Variants in CLCN5 observed in about 807,000 individuals in gnomAD.
CLCN5 encodes the protein H(+)/Cl(-) exchange transporter 5.
CLCN5 carries 17 observed loss-of-function variants against 54.0 expected under a neutral mutation model. The observed-to-expected ratio is 0.31, with a 90% confidence interval of 0.22 to 0.47. The LOEUF (loss-of-function observed/expected upper bound fraction) is 0.47, where lower values mean the gene tolerates loss of function less well. Ranked by LOEUF, CLCN5 falls within the 20% of genes least tolerant of loss-of-function variation. The pLI is 1.00. For missense variants in CLCN5, 448 were observed against 646.7 expected (o/e 0.69, Z 3.33); for synonymous variants, 222 against 233.0 (o/e 0.95, Z 0.43).
At chrX:50,070,901 G>A (rs1291284934) in intron 5 of CLCN5, among the ~76,000 whole-genome samples, 3 of 111,284 alleles carry the variant, frequency 2.7e-5, no homozygotes, top group Non-Finnish European at 3.8e-5. Context: ...TAAGGGCCAC[G>A]TGGAGAGCTT....
chrX:50,083,937 T>G (rs886823168), intron 9 of CLCN5, among the ~76,000 whole-genome samples: 1 of 112,213 alleles, frequency 8.9e-6, no homozygotes, highest in African/African-American at 3.2e-5. Context: ...TTTGTTCAAA[T>G]AGTTTCTAAT....
chrX:50,051,998 C>T (rs1256320587), intron 4 of CLCN5, among the ~76,000 whole-genome samples: 7 of 111,488 alleles, frequency 6.3e-5, no homozygotes, highest in African/African-American at 2.3e-4. Flanking sequence ...AGTTTTATTT[C>T]TCTCTTTCCA....
At chrX:50,070,519 G>A (rs781784681) in intron 5 of CLCN5, among the ~76,000 whole-genome samples, 4 of 111,462 alleles carry the variant, frequency 3.6e-5, no homozygotes, top group Admixed American at 9.6e-5. Context: ...ACTAAGAAAA[G>A]TAAATGGTTT....
At chrX:50,089,939 T>C (rs1462017543) in intron 12 of CLCN5, among the ~76,000 whole-genome samples, 177 bp from the exon 13 acceptor site, 1 of 111,844 alleles carries the variant, frequency 8.9e-6, no homozygotes, top group Non-Finnish European at 1.9e-5. Context: ...GTAGATGTTA[T>C]TTTGAGAACT....
chrX:49,948,894 G>A (rs1265252320), intron 3 of CLCN5, among the ~76,000 whole-genome samples: 1 of 112,409 alleles, frequency 8.9e-6, no homozygotes, highest in Non-Finnish European at 1.9e-5. Flanking sequence ...TGAAAACATT[G>A]TTTTGGCTCT....
chrX:49,947,034 C>T (rs1467556731), intron 3 of CLCN5, among the ~76,000 whole-genome samples: 2 of 109,782 alleles, frequency 1.8e-5, no homozygotes, highest in African/African-American at 6.6e-5. Context: ...GTTGGTCAGG[C>T]TGGTCTTGAA....
At chrX:49,945,450 A>AT (rs1355754169) in intron 3 of CLCN5, 87 of 100,483 alleles carry the variant, frequency 8.7e-4, no homozygotes, top group African/African-American at 1.3e-3. Context: ...CGCCCTTTCG[A>AT]TTTTTTTTTT....
chrX:50,090,594 G>T (rs954855782), intron 13 of CLCN5, 76 bp from the exon 14 acceptor site: 4 of 1,157,806 alleles, frequency 3.5e-6, no homozygotes, highest in Non-Finnish European at 4.7e-6. Flanking sequence ...GACAGGGAAG[G>T]GGGGACTGGT....
At chrX:50,079,200 A>G (rs1557192674) in intron 7 of CLCN5, among the ~76,000 whole-genome samples, 1 of 111,332 alleles carries the variant, frequency 9.0e-6, no homozygotes, top group Non-Finnish European at 1.9e-5. Context: ...CTACCTCTGC[A>G]GTCTTCTTCC....
At chrX:49,962,100 G>A (rs932847689) in intron 3 of CLCN5, among the ~76,000 whole-genome samples, 1 of 112,043 alleles carries the variant, frequency 8.9e-6, no homozygotes, top group Non-Finnish European at 1.9e-5. Flanking sequence ...TAGAGATACA[G>A]TACAGGTCCC....
At chrX:49,992,208 C>CTTTTTTTTTT (rs200172433) in intron 3 of CLCN5, among the ~76,000 whole-genome samples, 1 of 84,214 alleles carries the variant, frequency 1.2e-5, no homozygotes. Flanking sequence ...CTCTTTTTTT[C>CTTTTTTTTTT]TTTTTTTTTT....
Position 50,086,695 on chromosome X carries a change from A to C in CLCN5, c.1382A>C (p.Asp461Ala), listed in dbSNP as rs1569540368. Residue 461 changes from aspartate to alanine, a missense_variant, in exon 11 of 15, where the codon GAC (aspartate) becomes GCC (alanine). Asp to Ala is a moderately radical substitution (Grantham distance 126). This residue lies in a region of CLCN5 where 297 missense variants were observed against 470.4 expected (regional missense o/e 0.63). Coordinates refer to ENST00000376091, the MANE Select transcript of CLCN5 (RefSeq NM_001127898.4). ...GAGCTCATTTCTGAGCTGTTTAATG[A>C]CTGTGGCCTTCTGGACTCCTCCAAG... ...TSELISELFN[D>A]CGLLDSSKLC... is the part of the protein sequence containing the mutation. 1.7e-6 allele frequency: 2 copies of C among 1,211,122 alleles called. No homozygotes were observed. The highest frequency in any genetic ancestry group is 2.2e-6 in the Non-Finnish European group (2 of 895,438).
Position 50,086,454 on chromosome X carries a change from C to T in CLCN5, c.1141C>T (p.His381Tyr), listed in dbSNP as rs149944303. Residue 381 changes from histidine (H) to tyrosine (Y), a missense_variant, in exon 11 of 15, where the codon CAC becomes TAC. Physicochemically the swap from His to Tyr is moderately conservative, Grantham distance 83. Coordinates refer to ENST00000376091, the MANE Select transcript of CLCN5 (RefSeq NM_001127898.4). ...CCTGGTACTATTTTATGTGGAGTTT[C>T]ACACCCCATGGCATCTCTTTGAGCT... is the stretch of plus-strand genomic sequence containing the variant. ...SRLVLFYVEFHTPWHLFELVP... is the reference protein window; with the variant it reads ...SRLVLFYVEFYTPWHLFELVP... 8.3e-7 allele frequency: 1 copy of T among 1,211,249 alleles called. No individual in the cohort carries two copies. Among genetic ancestry groups the T allele is most frequent in the African/African-American group, 1.7e-5 (1 of 57,676 alleles).
chrX:49,996,022 T>C (rs1391200045), intron 3 of CLCN5, among the ~76,000 whole-genome samples: 3 of 112,178 alleles, frequency 2.7e-5, no homozygotes, highest in African/African-American at 9.7e-5. Context: ...TCCAGATACC[T>C]AAGTCTTGGC....
chrX:49,984,468 C>G (rs976927933), intron 3 of CLCN5, among the ~76,000 whole-genome samples: 1 of 111,811 alleles, frequency 8.9e-6, no homozygotes, highest in Admixed American at 9.5e-5. Flanking sequence ...ACCATTTGTA[C>G]TGTAAGATTA....
intron 3 of CLCN5, among the ~76,000 whole-genome samples, chrX:49,988,470 C>T (rs1929083140): frequency 9.0e-6 from 1 of 111,292 alleles, no homozygotes; most frequent in African/African-American, 3.3e-5. Context: ...CTTCTGTGTG[C>T]TTGGATTTCA....
chrX:50,015,975 A>G (rs1183026454), intron 3 of CLCN5, among the ~76,000 whole-genome samples: 2 of 111,380 alleles, frequency 1.8e-5, no homozygotes, highest in Non-Finnish European at 3.8e-5. Context: ...AGGTTATTTA[A>G]TATGTGCTCC....
At chrX:50,037,819 G>A (rs1273949288) in intron 3 of CLCN5, among the ~76,000 whole-genome samples, 1 of 112,065 alleles carries the variant, frequency 8.9e-6, no homozygotes, top group Non-Finnish European at 1.9e-5. Flanking sequence ...ATTGATATAT[G>A]TAAAACATAC....
intron 3 of CLCN5, among the ~76,000 whole-genome samples, chrX:49,992,624 G>T (rs1389337463): frequency 1.8e-5 from 2 of 111,576 alleles, no homozygotes; most frequent in African/African-American, 6.5e-5. Context: ...CTAACACTTC[G>T]CTAGGACAAT....
Sources: allele counts gnomAD v4.1 joint callset (sites outside exome capture counted in the v4.1 genomes callset), GRCh38; gene constraint gnomAD v4.1.1; regional missense constraint gnomAD v4.1.1; transcripts MANE v1.5; gene names NCBI Gene and HGNC (gene_info 2026-07-23, HGNC 2026-07-21).